The following CASC3 variants were observed in gnomAD, a reference collection of about 807,000 sequenced individuals.
CASC3 encodes CASC3 exon junction complex subunit.
CASC3 carries 30 observed loss-of-function variants against 80.5 expected under a neutral mutation model. The observed-to-expected ratio is 0.37, with a 90% CI of 0.28 to 0.51. CASC3 has a LOEUF of 0.51. Ranked by LOEUF, CASC3 falls within the 20% of genes least tolerant of loss-of-function variation. The pLI is 0.94. For synonymous variants in CASC3, 312 were observed against 333.6 expected (o/e 0.94, Z 0.70); for missense variants, 824 against 922.2 (o/e 0.89, Z 1.38).
Position 40,163,854 on chromosome 17 carries a change from G to A in CASC3, c.1159G>A (p.Ala387Thr), listed in dbSNP as rs767395096. The change falls in exon 7 of 14, where the codon GCT becomes ACT. Residue 387 changes from alanine (A) to threonine (T), a missense_variant. Transcript: ENST00000264645. Reference sequence around the variant, plus strand: ...GGCAGCCTCAGAGCCACCAGCTGCTGCTCCTGATGCTGCACCACCACCCCC... The same window carrying A: ...GGCAGCCTCAGAGCCACCAGCTGCTACTCCTGATGCTGCACCACCACCCCC... ...EEAASEPPAAAPDAAPPPPDR... is the reference protein window; with the variant it reads ...EEAASEPPAATPDAAPPPPDR... The A allele has an allele frequency of 1.2e-6, 2 of 1,614,214 alleles. No individual in the cohort carries two copies. The highest frequency in any genetic ancestry group is 2.2e-5 in the South Asian group (2 of 91,090).
intron 3 of CASC3, among the ~76,000 whole-genome samples, chr17:40,153,590 GTGC>G (rs1989067125): frequency 6.6e-6 from 1 of 152,086 alleles, no homozygotes; most frequent in South Asian, 2.1e-4. Flanking sequence ...TGTTTCCAAG[GTGC>G]TGCACCATTT....
At chr17:40,159,546 T>TC (rs1989237737) in intron 3 of CASC3, among the ~76,000 whole-genome samples, 1 of 138,394 alleles carries the variant, frequency 7.2e-6, no homozygotes. Context: ...CATTGTGTGT[T>TC]TTTTTTTTTT....
intron 13 of CASC3, 120 bp from the exon 14 acceptor site, chr17:40,170,327 G>C: frequency 1.6e-6 from 1 of 630,304 alleles, no homozygotes; most frequent in Non-Finnish European, 2.0e-6. Flanking sequence ...TGTTGCTTTT[G>C]TTTAAGGACA....
At chr17:40,156,577 T>C (rs1023429416) in intron 3 of CASC3, among the ~76,000 whole-genome samples, 4 of 151,818 alleles carry the variant, frequency 2.6e-5, no homozygotes, top group Non-Finnish European at 5.9e-5. Flanking sequence ...TAGTCCCACC[T>C]ACTTGGGAGG....
intron 3 of CASC3, among the ~76,000 whole-genome samples, chr17:40,153,154 C>T (rs1989054434): frequency 6.6e-6 from 1 of 152,150 alleles, no homozygotes; most frequent in South Asian, 2.1e-4. Flanking sequence ...TATCCTTTTA[C>T]CACGATCTCA....
chr17:40,151,659 A>G (rs548177010), intron 3 of CASC3, among the ~76,000 whole-genome samples: 21 of 144,826 alleles, frequency 1.5e-4, no homozygotes, highest in Non-Finnish European at 2.8e-4. Flanking sequence ...ATACCACTGC[A>G]CTCCAGCTTG....
At chr17:40,141,120 A>T in intron 1 of CASC3, 87 bp from the exon 2 acceptor site, 1 of 1,251,850 alleles carries the variant, frequency 8.0e-7, no homozygotes, top group Admixed American at 1.7e-5. Flanking sequence ...TTTGTGCTGA[A>T]TCTTCAGCTT....
intron 13 of CASC3, 84 bp downstream of exon 13, chr17:40,169,746 T>A: frequency 5.7e-6 from 1 of 176,220 alleles, no homozygotes; most frequent in Non-Finnish European, 9.6e-6. Context: ...TTAATGCTTT[T>A]TTTTTTTTTT....
intron 3 of CASC3, among the ~76,000 whole-genome samples, chr17:40,161,442 C>T (rs909793961): frequency 2.6e-5 from 4 of 152,088 alleles, no homozygotes; most frequent in Admixed American, 6.6e-5. Context: ...GCACTTTGGG[C>T]GGCCAAGGCA....
intron 3 of CASC3, among the ~76,000 whole-genome samples, chr17:40,154,844 C>T (rs751991217): frequency 1.2e-4 from 19 of 152,030 alleles, no homozygotes; most frequent in Admixed American, 2.0e-4. Flanking sequence ...GTCTTTGATT[C>T]ATTTTGAGTT....
chr17:40,166,942 T>A, intron 8 of CASC3, 81 bp downstream of exon 8: 2 of 378,692 alleles, frequency 5.3e-6, no homozygotes, highest in Non-Finnish European at 8.3e-6. Flanking sequence ...AGATAAGGTC[T>A]TTTTTTTTTT....
rs370616914 is a variant in CASC3 at position 40,170,516 on chromosome 17, T to C, written c.*111T>C. On this transcript the variant is annotated 3_prime_UTR_variant, in exon 14 of 14. Transcript: ENST00000264645. ...TACTACCAGAAGGGCTTCAAAGATA[T>C]AGGGTGTGGCTCCTACCAGCAAACA... The C allele has an allele frequency of 2.3e-4, 229 of 985,582 alleles. No homozygotes were observed. In the Middle Eastern group the frequency reaches 3.1e-3, roughly 13 times the overall value. 61.1% of individuals were successfully genotyped at this position (985,582 alleles called of 1,614,324 possible).
chr17:40,141,367 G>A (rs1988712397), intron 2 of CASC3, 133 bp downstream of exon 2: 2 of 928,186 alleles, frequency 2.2e-6, no homozygotes, highest in Non-Finnish European at 3.5e-6. Context: ...GTAACATAGT[G>A]GTTAAGAGCA....
At chr17:40,158,219 C>CTTA in intron 3 of CASC3, among the ~76,000 whole-genome samples, 1 of 152,230 alleles carries the variant, frequency 6.6e-6, no homozygotes, top group South Asian at 2.1e-4. Context: ...ATGGCAGAAA[C>CTTA]TTAGAGTTTG....
At chr17:40,170,076 A>G (rs989504471) in intron 13 of CASC3, among the ~76,000 whole-genome samples, 14 of 152,126 alleles carry the variant, frequency 9.2e-5, no homozygotes, top group African/African-American at 3.1e-4. Flanking sequence ...GCTTTAAGTT[A>G]TAATAATCAT....
Position 40,162,106 on chromosome 17 carries a change from C to A in CASC3, c.561C>A (p.Leu187=). The A allele has an allele frequency of 6.2e-7, 1 of 1,613,932 alleles. No homozygotes were observed. Among genetic ancestry groups the A allele is most frequent in the East Asian group, 2.2e-5 (1 of 44,878 alleles). The change falls in exon 5 of 14, where the codon CTC becomes CTA. Residue 187 remains leucine, a synonymous_variant. Coordinates refer to ENST00000264645, the MANE Select transcript of CASC3 (RefSeq NM_007359.5). ...KNPAYIPRKG[L]FFEHDLRGQT... is the part of the protein sequence containing the mutation. ...CAGCATACATACCTCGGAAAGGGCT[C>A]TTCTTTGAGCATGATCTTCGAGGGC...
At chr17:40,141,445 C>T in intron 2 of CASC3, 125 bp from the exon 3 acceptor site, 1 of 902,628 alleles carries the variant, frequency 1.1e-6, no homozygotes, top group South Asian at 1.5e-5. Context: ...TAAGTGGGGA[C>T]TATAATTTTA....
At chr17:40,163,399 T>C (rs906039681) in intron 6 of CASC3, 82 bp from the exon 7 acceptor site, 48 of 1,170,298 alleles carry the variant, frequency 4.1e-5, no homozygotes, top group Non-Finnish European at 4.6e-5. Context: ...TCTCCCAAAG[T>C]GCTGGGATTA....
intron 3 of CASC3, 62 bp from the exon 4 acceptor site, chr17:40,161,691 G>A: frequency 1.4e-6 from 2 of 1,449,402 alleles, no homozygotes; most frequent in Non-Finnish European, 1.9e-6. Flanking sequence ...GGGGGCAGGG[G>A]TGGGAATTAA....
Sources: gnomAD v4.1 joint callset for allele counts (sites outside exome capture counted in the v4.1 genomes callset) on GRCh38, gnomAD v4.1.1 for gene constraint, MANE v1.5 for transcripts, NCBI Gene and HGNC (gene_info 2026-07-23, HGNC 2026-07-21) for gene names.